Variants in RAB27A observed in about 807,000 individuals in gnomAD.
The protein encoded by RAB27A is ras-related protein Rab-27A.
In RAB27A, 17 loss-of-function variants were observed where a neutral mutation model predicts 20.8. The observed-to-expected ratio is 0.82, with a 90% CI of 0.56 to 1.23. The LOEUF (loss-of-function observed/expected upper bound fraction) is 1.23, where lower values mean the gene tolerates loss of function less well. RAB27A is among the 50% of genes most tolerant of loss of function. The pLI is 0.00. For missense variants in RAB27A, 277 were observed against 266.7 expected (o/e 1.04, Z -0.27); for synonymous variants, 85 against 92.8 (o/e 0.92, Z 0.48).
At chr15:55,295,819 T>A (rs944493895) in intron 2 of RAB27A, among the ~76,000 whole-genome samples, 1 of 152,130 alleles carries the variant, frequency 6.6e-6, no homozygotes. Context: ...TGTCACAGAA[T>A]TGTACACTTT....
At chr15:55,314,952 C>T (rs1232118332) in intron 1 of RAB27A, among the ~76,000 whole-genome samples, 1 of 152,074 alleles carries the variant, frequency 6.6e-6, no homozygotes, top group African/African-American at 2.4e-5. Flanking sequence ...CCCATATAGC[C>T]AAGGCAACCC....
At chr15:55,293,225 T>A (rs1350495205), upstream of RAB27A, among the ~76,000 whole-genome samples, 2 of 152,150 alleles carry the variant, frequency 1.3e-5, no homozygotes, top group African/African-American at 4.8e-5. Flanking sequence ...TGTATGTGTA[T>A]ATGTATGTAT....
intron 6 of RAB27A, among the ~76,000 whole-genome samples, chr15:55,209,656 T>C (rs72740196): frequency 0.035 from 5,206 of 148,182 alleles, 145 homozygotes; most frequent in Non-Finnish European, 0.054. Context: ...ATATATCTTT[T>C]GGGATATATA....
At chr15:55,205,927 A>G (rs1894627709) in intron 6 of RAB27A, among the ~76,000 whole-genome samples, 1 of 152,012 alleles carries the variant, frequency 6.6e-6, no homozygotes, top group Non-Finnish European at 1.5e-5. Flanking sequence ...TCAAAATATC[A>G]ATTTTTGGCT....
chr15:55,308,946 C>T (rs893312957), intron 2 of RAB27A, among the ~76,000 whole-genome samples: 1 of 152,202 alleles, frequency 6.6e-6, no homozygotes, highest in African/African-American at 2.4e-5. Context: ...AGGTATGCCA[C>T]GGGTTGCAAG....
intron 1 of RAB27A, among the ~76,000 whole-genome samples, chr15:55,276,424 C>T (rs1229682912): frequency 1.3e-5 from 2 of 152,112 alleles, no homozygotes; most frequent in Non-Finnish European, 2.9e-5. Context: ...ATGTCAAACT[C>T]TCCAAGCATG....
chr15:55,209,941 T>G (rs1894888430), intron 6 of RAB27A, among the ~76,000 whole-genome samples: 2 of 121,990 alleles, frequency 1.6e-5, no homozygotes. Flanking sequence ...TGTATGTACA[T>G]GTACACACAT....
intron 1 of RAB27A, among the ~76,000 whole-genome samples, chr15:55,314,703 A>C (rs1230064443): frequency 1.3e-5 from 2 of 152,222 alleles, no homozygotes; most frequent in Non-Finnish European, 2.9e-5. Context: ...GATACAACTT[A>C]CAAGGGATGT....
intron 2 of RAB27A, among the ~76,000 whole-genome samples, chr15:55,311,619 A>G (rs1240623536): frequency 3.3e-5 from 5 of 151,956 alleles, no homozygotes; most frequent in African/African-American, 1.2e-4. Context: ...ATGGCACTTC[A>G]CTCCTTATGC....
chr15:55,227,368 G>A (rs185429198), intron 5 of RAB27A, among the ~76,000 whole-genome samples: 1 of 152,278 alleles, frequency 6.6e-6, no homozygotes, highest in East Asian at 1.9e-4. Flanking sequence ...TGATGCAAAG[G>A]AGGGATGATG....
At chr15:55,222,866 C>CAT (rs1368365658) in intron 6 of RAB27A, among the ~76,000 whole-genome samples, 1 of 152,158 alleles carries the variant, frequency 6.6e-6, no homozygotes, top group Non-Finnish European at 1.5e-5. Context: ...TTTGAATTTA[C>CAT]ATATGGGTTC....
intron 2 of RAB27A, among the ~76,000 whole-genome samples, chr15:55,246,047 T>G (rs1896672413): frequency 1.3e-5 from 2 of 151,984 alleles, no homozygotes; most frequent in African/African-American, 4.8e-5. Context: ...CACTCCAGCC[T>G]GGGCGACAGA....
At chr15:55,312,196 T>C (rs545913393) in intron 2 of RAB27A, among the ~76,000 whole-genome samples, 1 of 152,322 alleles carries the variant, frequency 6.6e-6, no homozygotes, top group South Asian at 2.1e-4. Flanking sequence ...GACACCCTGC[T>C]GGATCCGGAG....
At chr15:55,253,597 C>A (rs1041637034) in intron 2 of RAB27A, among the ~76,000 whole-genome samples, 2 of 152,068 alleles carry the variant, frequency 1.3e-5, no homozygotes, top group Non-Finnish European at 2.9e-5. Flanking sequence ...TCAGCTAAGC[C>A]CAGGATAAGG....
intron 2 of RAB27A, among the ~76,000 whole-genome samples, chr15:55,250,454 G>C (rs1282784105): frequency 6.6e-6 from 1 of 152,114 alleles, no homozygotes; most frequent in Non-Finnish European, 1.5e-5. Context: ...CTTTGCACTA[G>C]ACTTCTCTCC....
chr15:55,248,250 A>G (rs775306026), intron 2 of RAB27A, among the ~76,000 whole-genome samples: 3 of 152,092 alleles, frequency 2.0e-5, no homozygotes, highest in Non-Finnish European at 2.9e-5. Context: ...ACCACACCCC[A>G]TGCTGTGTTC....
At chr15:55,251,792 T>C (rs548264190) in intron 2 of RAB27A, among the ~76,000 whole-genome samples, 150 of 152,348 alleles carry the variant, frequency 9.8e-4, no homozygotes, top group Non-Finnish European at 1.5e-3. Context: ...ACTAACTTCA[T>C]TTTCTTTCTA....
chr15:55,309,034 C>G (rs917855703), intron 2 of RAB27A, among the ~76,000 whole-genome samples: 11 of 152,172 alleles, frequency 7.2e-5, no homozygotes, highest in African/African-American at 2.7e-4. Flanking sequence ...AGTCTTGCCC[C>G]ATCGGCAAGC....
chr15:55,204,712 G>A lies in RAB27A; in HGVS notation c.*795C>T, dbSNP rs1894559542. On this transcript the variant is annotated 3_prime_UTR_variant, in exon 7 of 7. Coordinates refer to ENST00000336787, the MANE Select transcript of RAB27A (RefSeq NM_183235.3). ...CAGGTGCGGCCAGCACATAGGCCAAGTATAAATGTACAATCACAGTGAACT... is the reference window on the plus strand; with the variant it reads ...CAGGTGCGGCCAGCACATAGGCCAAATATAAATGTACAATCACAGTGAACT... 1 of 152,262 alleles carries A rather than the reference G, an allele frequency of 6.6e-6. No homozygotes were observed. Among genetic ancestry groups the A allele is most frequent in the African/African-American group, 2.4e-5 (1 of 41,442 alleles). The allele number at this position is 152,262 out of a possible 1,614,324, so 9.4% of individuals were successfully genotyped here.
Sources: gnomAD v4.1 joint callset for allele counts (sites outside exome capture counted in the v4.1 genomes callset) on GRCh38, gnomAD v4.1.1 for gene constraint, MANE v1.5 for transcripts, NCBI Gene and HGNC (gene_info 2026-07-23, HGNC 2026-07-21) for gene names.